The following SDK1 variants were observed in gnomAD, a reference collection of about 807,000 sequenced individuals.
The protein encoded by SDK1 is protein sidekick-1.
In SDK1, 157 loss-of-function variants were observed where a neutral mutation model predicts 245.5. The observed-to-expected ratio is 0.64, with a 90% CI of 0.56 to 0.73. The LOEUF (loss-of-function observed/expected upper bound fraction) is 0.73. Ranked by LOEUF, SDK1 falls within the 30% of genes least tolerant of loss-of-function variation. The pLI is 0.00. For missense variants in SDK1, 3,583 were observed against 3,002.3 expected, an observed-to-expected ratio of 1.19 and a Z score of -4.52; for synonymous variants, 1,647 against 1,278.5, an observed-to-expected ratio of 1.29 and a Z score of -6.15.
At chr7:3,932,382 G>A (rs1169852412) in intron 5 of SDK1, among the ~76,000 whole-genome samples, 2 of 152,204 alleles carry the variant, frequency 1.3e-5, no homozygotes, top group Non-Finnish European at 2.9e-5. Flanking sequence ...ATATAGATGA[G>A]ATTGTGTTGA....
intron 1 of SDK1, among the ~76,000 whole-genome samples, chr7:3,600,856 T>A (rs1193858351): frequency 1.3e-5 from 2 of 152,162 alleles, no homozygotes; most frequent in Non-Finnish European, 2.9e-5. Context: ...CCAATGTAGG[T>A]TTTTAAAAAT....
intron 22 of SDK1, among the ~76,000 whole-genome samples, chr7:4,094,048 GT>G (rs572028771): frequency 1.2e-4 from 18 of 151,804 alleles, no homozygotes; most frequent in Admixed American, 5.2e-4. Flanking sequence ...GGCCAGGGTG[GT>G]TTTTTTTGTG....
At chr7:4,198,880 C>G (rs999448211) in intron 35 of SDK1, among the ~76,000 whole-genome samples, 1 of 149,220 alleles carries the variant, frequency 6.7e-6, no homozygotes, top group African/African-American at 2.5e-5. Flanking sequence ...GTGGCGTGAT[C>G]TCGGCTCACT....
chr7:4,186,628 T>C (rs1007272643), intron 35 of SDK1, among the ~76,000 whole-genome samples: 1 of 152,096 alleles, frequency 6.6e-6, no homozygotes, highest in Admixed American at 6.5e-5. Context: ...GCTGGGAAGC[T>C]GGGTTGGGGT....
intron 4 of SDK1, among the ~76,000 whole-genome samples, chr7:3,709,824 G>A (rs1784992297): frequency 6.6e-6 from 1 of 152,204 alleles, no homozygotes; most frequent in South Asian, 2.1e-4. Context: ...GCCCACCAAA[G>A]GGTAGAAGCT....
intron 20 of SDK1, among the ~76,000 whole-genome samples, chr7:4,070,080 AAGT>A (rs1315554648): frequency 6.6e-6 from 1 of 152,216 alleles, no homozygotes; most frequent in Non-Finnish European, 1.5e-5. Context: ...TCTGTTTATT[AAGT>A]AGTTAGGTCC....
intron 1 of SDK1, among the ~76,000 whole-genome samples, chr7:3,316,029 A>C (rs1353354953): frequency 2.6e-5 from 4 of 152,190 alleles, no homozygotes; most frequent in Non-Finnish European, 5.9e-5. Context: ...TCTAGTGTCA[A>C]ATTCTCCCCA....
intron 4 of SDK1, among the ~76,000 whole-genome samples, chr7:3,747,864 G>A (rs578091069): frequency 1.3e-5 from 2 of 152,182 alleles, no homozygotes; most frequent in East Asian, 3.9e-4. Context: ...AGCAGAGAGA[G>A]GACATGACGG....
At chr7:3,646,318 A>T (rs1022486595) in intron 4 of SDK1, among the ~76,000 whole-genome samples, 1 of 141,670 alleles carries the variant, frequency 7.1e-6, no homozygotes, top group East Asian at 1.9e-4. Flanking sequence ...TAATTAAATG[A>T]TTTTTTTTTT....
chr7:3,372,100 A>T (rs1464321372), intron 1 of SDK1, among the ~76,000 whole-genome samples: 1 of 152,180 alleles, frequency 6.6e-6, no homozygotes, highest in Non-Finnish European at 1.5e-5. Flanking sequence ...TTTATGTTCC[A>T]TTCACCCCTT....
intron 1 of SDK1, among the ~76,000 whole-genome samples, chr7:3,413,256 T>TAGCAA (rs1779262664): frequency 2.0e-5 from 3 of 152,022 alleles, no homozygotes; most frequent in African/African-American, 7.2e-5. Flanking sequence ...TAGGGTAGAA[T>TAGCAA]AGCAAAGGGA....
intron 1 of SDK1, among the ~76,000 whole-genome samples, chr7:3,490,086 A>G (rs1398397299): frequency 6.6e-6 from 1 of 152,184 alleles, no homozygotes; most frequent in African/African-American, 2.4e-5. Context: ...TTCTCTTCAT[A>G]TTTAGGCGTA....
chr7:3,530,094 C>A (rs1222336548), intron 1 of SDK1, among the ~76,000 whole-genome samples: 1 of 152,072 alleles, frequency 6.6e-6, no homozygotes, highest in East Asian at 1.9e-4. Context: ...AAAGTATAAT[C>A]AAATTATGTC....
intron 1 of SDK1, among the ~76,000 whole-genome samples, chr7:3,381,983 C>T (rs1041294531): frequency 2.6e-5 from 4 of 152,076 alleles, no homozygotes; most frequent in African/African-American, 4.8e-5. Context: ...CTTAACCGTT[C>T]GTCTTAAAGT....
intron 1 of SDK1, among the ~76,000 whole-genome samples, chr7:3,391,726 T>C (rs2128570369): frequency 6.6e-6 from 1 of 151,288 alleles, no homozygotes; most frequent in South Asian, 2.1e-4. Context: ...AACCTCCGCT[T>C]GCCAGGTTTA....
At chr7:3,676,472 C>T (rs896249178) in intron 4 of SDK1, among the ~76,000 whole-genome samples, 2 of 152,018 alleles carry the variant, frequency 1.3e-5, no homozygotes, top group Non-Finnish European at 2.9e-5. Context: ...ACTACAGGCG[C>T]CTGCCACCAC....
intron 1 of SDK1, among the ~76,000 whole-genome samples, chr7:3,553,307 A>T (rs910286033): frequency 1.3e-5 from 2 of 152,182 alleles, no homozygotes; most frequent in African/African-American, 2.4e-5. Context: ...CTCTATGTCA[A>T]AAAATGAGAA....
chr7:3,854,706 G>T (rs1780498394), intron 5 of SDK1, among the ~76,000 whole-genome samples: 1 of 152,144 alleles, frequency 6.6e-6, no homozygotes, highest in Non-Finnish European at 1.5e-5. Flanking sequence ...AACATTGAAA[G>T]AATATTTGAG....
At chr7:3,368,438 G>T (rs1390454448) in intron 1 of SDK1, among the ~76,000 whole-genome samples, 1 of 152,154 alleles carries the variant, frequency 6.6e-6, no homozygotes, top group Admixed American at 6.5e-5. Context: ...TCTTACTATG[G>T]TATTTCCATC....
Sources: gnomAD v4.1 joint callset for allele counts (sites outside exome capture counted in the v4.1 genomes callset) on GRCh38, gnomAD v4.1.1 for gene constraint, MANE v1.5 for transcripts, NCBI Gene and HGNC (gene_info 2026-07-23, HGNC 2026-07-21) for gene names.